The following TTLL7 variants were observed in gnomAD, a reference collection of about 807,000 sequenced individuals.
TTLL7 encodes the protein tubulin tyrosine ligase like 7.
TTLL7 carries 53 observed loss-of-function variants against 120.2 expected under a neutral mutation model. The ratio of observed to expected loss-of-function variants is 0.44; its 90% CI spans 0.35 to 0.55. The LOEUF (loss-of-function observed/expected upper bound fraction) is 0.55. TTLL7 is among the 20% of genes least tolerant of loss of function. The pLI is 0.00. For synonymous variants in TTLL7, 353 were observed against 351.7 expected (o/e 1.00, Z -0.04); for missense variants, 803 against 1,054.7 (o/e 0.76, Z 3.31).
intron 1 of TTLL7, among the ~76,000 whole-genome samples, chr1:83,992,112 T>C (rs1168756399): frequency 1.3e-5 from 2 of 152,192 alleles, no homozygotes; most frequent in South Asian, 2.1e-4. Context: ...CCATAACATA[T>C]GTAGCAGTAA....
chr1:83,912,568 G>A (rs1366280761), intron 14 of TTLL7: 1 of 152,124 alleles, frequency 6.6e-6, no homozygotes, highest in Non-Finnish European at 1.5e-5. Context: ...TGGATAGCAT[G>A]GGGATTTCAC....
intron 1 of TTLL7, among the ~76,000 whole-genome samples, chr1:83,975,212 G>A (rs1193512046): frequency 1.3e-5 from 2 of 152,068 alleles, no homozygotes; most frequent in African/African-American, 4.8e-5. Flanking sequence ...AATATAGACT[G>A]CACAAAAGGA....
At chr1:83,929,113 A>G (rs768592001) in intron 10 of TTLL7, 23 bp downstream of exon 10, 2 of 1,538,194 alleles carry the variant, frequency 1.3e-6, no homozygotes, top group Non-Finnish European at 1.8e-6. Context: ...ATAAATGTCC[A>G]AAAGATAGAG....
At chr1:83,909,665 A>C (rs543790596) in intron 15 of TTLL7, among the ~76,000 whole-genome samples, 3 of 152,256 alleles carry the variant, frequency 2.0e-5, no homozygotes, top group African/African-American at 7.2e-5. Context: ...ATACTTAAAA[A>C]CATTTTAAAA....
chr1:83,953,733 G>C (rs1330883596), intron 1 of TTLL7, among the ~76,000 whole-genome samples: 1 of 152,006 alleles, frequency 6.6e-6, no homozygotes, highest in East Asian at 1.9e-4. Context: ...AGGTAACATG[G>C]CTTAGAAATA....
In TTLL7 at chr1:83,906,407, C is replaced by G; in HGVS notation, c.2049G>C (p.Gln683His). 6.2e-7 allele frequency: 1 copy of G among 1,612,414 alleles called. No homozygotes were observed. Among genetic ancestry groups the G allele is most frequent in the Non-Finnish European group, 8.5e-7 (1 of 1,179,062 alleles). ...TKEQEDDLTS[Q>H]TLFVLKDMKI... ...TCATGTCTTTGAGAACAAATAAGGT[C>G]TGACTTGTTAGATCATCTTCTTGTT... The change falls in exon 17 of 21, where the codon CAG becomes CAC. Residue 683 changes from glutamine (Q) to histidine (H), a missense_variant. Transcript: ENST00000260505.
At chr1:83,970,642 T>C (rs922788590) in intron 1 of TTLL7, among the ~76,000 whole-genome samples, 1 of 152,114 alleles carries the variant, frequency 6.6e-6, no homozygotes, top group Non-Finnish European at 1.5e-5. Flanking sequence ...GAAAATAAGA[T>C]GTAGTTTTTC....
rs1485671472 is a variant in TTLL7, at chr1:83,917,718, C to A, written c.1501-28G>T. 3 of 1,478,828 alleles carry A rather than the reference C, an allele frequency of 2.0e-6. No homozygotes were observed. In the Admixed American group the frequency reaches 5.1e-5, roughly 25 times the overall value. The allele number at this position is 1,478,828 out of a possible 1,614,324, so 91.6% of individuals were successfully genotyped here. A position where few individuals can be genotyped will look rare whatever the true frequency, so the allele number is the denominator to read the frequency against. On this transcript the variant is annotated intron_variant, in intron 13 of 20. Transcript: ENST00000260505. ...TCAAAAAATATTCTAATTAAAATTA[C>A]AACCACTAATGGACTCTAGAATTTT...
intron 18 of TTLL7, among the ~76,000 whole-genome samples, chr1:83,898,307 T>C (rs1279347681): frequency 8.6e-5 from 13 of 151,926 alleles, no homozygotes; most frequent in Non-Finnish European, 1.5e-5. Flanking sequence ...GGAACCTTAG[T>C]ACAAAAGAAA....
chr1:83,880,551 T>C (rs189516525), intron 20 of TTLL7, among the ~76,000 whole-genome samples: 2 of 152,148 alleles, frequency 1.3e-5, no homozygotes, highest in African/African-American at 4.8e-5. Context: ...ATCCGAGCTA[T>C]CGTGGTTCCA....
rs1364668915 is a variant in TTLL7, at chr1:83,908,364, G to A, written c.1787-703C>T. ...TAATAAAACAAAAGAAAAATATGCA[G>A]ATTATCCTAACGGAGTTTAAATACA... is the stretch of plus-strand genomic sequence containing the variant. On this transcript the variant is annotated intron_variant, in intron 15 of 20. Coordinates refer to ENST00000260505, the MANE Select transcript of TTLL7 (RefSeq NM_024686.6). Among the ~76,000 whole-genome samples, 7 of 152,136 alleles carry A rather than the reference G, an allele frequency of 4.6e-5. No individual in the cohort carries two copies. In the East Asian group the frequency reaches 1.4e-3, roughly 29 times the overall value.
At chr1:83,884,952 T>A (rs1654859464) in intron 19 of TTLL7, 1 of 157,122 alleles carries the variant, frequency 6.4e-6, no homozygotes, top group Non-Finnish European at 1.4e-5. Flanking sequence ...GAAACAGTAA[T>A]TCGACGGTTA....
rs112845332 is a variant in TTLL7 at position 83,884,257 on chromosome 1, A to G, written c.2370-1121T>C. On this transcript the variant is annotated intron_variant, in intron 19 of 20. Coordinates refer to ENST00000260505, the MANE Select transcript of TTLL7 (RefSeq NM_024686.6). ...GAGACTTGGTAATGATTCACATCTC[A>G]TTTTGCATAAACCAATTCACATAAC... is the stretch of plus-strand genomic sequence containing the variant. Among the ~76,000 whole-genome samples the G allele has an allele frequency of 5.0e-3, 762 of 151,918 alleles. 13 individuals are homozygous for G. Among genetic ancestry groups the G allele is most frequent in the African/African-American group, 0.018 (729 of 41,478 alleles).
intron 17 of TTLL7, among the ~76,000 whole-genome samples, chr1:83,905,682 A>G (rs957694476): frequency 6.6e-6 from 1 of 152,002 alleles, no homozygotes; most frequent in Non-Finnish European, 1.5e-5. Context: ...GAATGAAGAA[A>G]TGTAACCTTG....
At chr1:83,985,532 C>T (rs961139277) in intron 1 of TTLL7, among the ~76,000 whole-genome samples, 1 of 152,122 alleles carries the variant, frequency 6.6e-6, no homozygotes, top group African/African-American at 2.4e-5. Context: ...ATCCTTCAAT[C>T]CAACCAAGTT....
At chr1:83,991,710 T>C (rs1557823726) in intron 1 of TTLL7, among the ~76,000 whole-genome samples, 1 of 152,082 alleles carries the variant, frequency 6.6e-6, no homozygotes, top group African/African-American at 2.4e-5. Context: ...AAATTTGCCT[T>C]TGTGGAATGC....
intron 1 of TTLL7, among the ~76,000 whole-genome samples, chr1:83,959,224 A>G (rs1054506482): frequency 3.9e-5 from 6 of 152,218 alleles, no homozygotes; most frequent in African/African-American, 1.4e-4. Flanking sequence ...GGTGAGGCCC[A>G]TCAATTAACA....
chr1:83,939,899 G>A (rs1647779156), intron 7 of TTLL7, among the ~76,000 whole-genome samples: 2 of 151,996 alleles, frequency 1.3e-5, no homozygotes, highest in Admixed American at 6.6e-5. Flanking sequence ...AGAGCACTTT[G>A]GTTTAATTCT....
At chr1:83,981,203 G>C (rs891878558) in intron 1 of TTLL7, 1 of 151,928 alleles carries the variant, frequency 6.6e-6, no homozygotes, top group Admixed American at 6.6e-5. Context: ...TTAAAAGAGA[G>C]ATTGGCACAG....
Sources: gnomAD v4.1 joint callset for allele counts (sites outside exome capture counted in the v4.1 genomes callset) on GRCh38, gnomAD v4.1.1 for gene constraint, MANE v1.5 for transcripts, NCBI Gene and HGNC (gene_info 2026-07-23, HGNC 2026-07-21) for gene names.